DCAF8L2: variants seen among roughly 807,000 people sequenced by gnomAD.
The protein encoded by DCAF8L2 is DDB1- and CUL4-associated factor 8-like protein 2.
For missense variants in DCAF8L2, 430 were observed against 490.7 expected, an observed-to-expected ratio of 0.88 and a Z score of 1.17; for synonymous variants, 200 against 190.9, an observed-to-expected ratio of 1.05 and a Z score of -0.39.
Position 27,747,323 on chromosome X carries a change from AGGAG to A in DCAF8L2, c.430_433del (p.Glu144LysfsTer21), listed in dbSNP as rs1569201303. The A allele has an allele frequency of 1.9e-5, 22 of 1,143,406 alleles. No individual in the cohort carries two copies. Among genetic ancestry groups the A allele is most frequent in the Middle Eastern group, 2.5e-4 (1 of 3,922 alleles). 94.2% of individuals were successfully genotyped at this position (1,143,406 alleles called of 1,213,427 possible). ...GAGGAGGAGGAGGAGGAGGAGGAGG[AGGAG>A]GAAGAAGAACAGCCTCGGGCGGGTC... On this transcript the variant is annotated frameshift_variant, in exon 5 of 5. Coordinates refer to ENST00000451261, the MANE Select transcript of DCAF8L2 (RefSeq NM_001353450.2). LOFTEE classifies it low-confidence loss of function (END_TRUNC).
At chrX:27,486,621 T>A in the DCAF8L2 span, among the ~76,000 whole-genome samples, 1 of 111,733 alleles carries the variant, frequency 8.9e-6, no homozygotes, top group Non-Finnish European at 1.9e-5. Flanking sequence ...ATAGCCATTG[T>A]CCCCTTTTCA....
Position 27,689,560 on chromosome X carries a change from G to A in DCAF8L2, c.-143+11648G>A, listed in dbSNP as rs746739374. On this transcript the variant is annotated intron_variant, in intron 3 of 4. Transcript: ENST00000451261. Reference sequence around the variant, plus strand: ...GCACCCAGCCCACCATAAGATATACGTACAAGAATACATTGCCACATTATA... The same window carrying A: ...GCACCCAGCCCACCATAAGATATACATACAAGAATACATTGCCACATTATA... Among the ~76,000 whole-genome samples, 268 of 112,707 alleles carry A rather than the reference G, an allele frequency of 2.4e-3. 2 individuals are homozygous for A. Among genetic ancestry groups the A allele is most frequent in the Middle Eastern group, 4.7e-3 (1 of 215 alleles).
At chrX:27,680,336 T>C (rs2147239438) in intron 3 of DCAF8L2, among the ~76,000 whole-genome samples, 1 of 111,716 alleles carries the variant, frequency 9.0e-6, no homozygotes, top group South Asian at 3.7e-4. Flanking sequence ...AAAAAAAGAC[T>C]TCATAAAGCA....
chrX:27,702,887 A>G (rs1178987832), intron 3 of DCAF8L2, among the ~76,000 whole-genome samples: 2 of 111,455 alleles, frequency 1.8e-5, no homozygotes, highest in Non-Finnish European at 3.8e-5. Flanking sequence ...AATATTTCAT[A>G]TTAAAAAGGA....
intron 2 of DCAF8L2, among the ~76,000 whole-genome samples, chrX:27,666,488 C>T (rs1252907064): frequency 2.7e-5 from 3 of 111,906 alleles, no homozygotes; most frequent in Admixed American, 9.5e-5. Flanking sequence ...GTAACAGATA[C>T]CATATTTTAA....
chrX:27,633,466 C>T (rs1314916615), intron 2 of DCAF8L2: 1 of 111,973 alleles, frequency 8.9e-6, no homozygotes, highest in Non-Finnish European at 1.9e-5. Flanking sequence ...TGTGTCTTTT[C>T]TAGATGTGAG....
chrX:27,480,609 C>T, the DCAF8L2 span, among the ~76,000 whole-genome samples: 14 of 111,700 alleles, frequency 1.3e-4, no homozygotes, highest in African/African-American at 4.6e-4. Context: ...TCAGATATCC[C>T]TTTGGTGGCC....
chrX:27,615,524 A>AATCTATCT (rs368679663), intron 1 of DCAF8L2, among the ~76,000 whole-genome samples: 9,010 of 104,375 alleles, frequency 0.086, 412 homozygotes, highest in African/African-American at 0.17. Context: ...AGATTCTATC[A>AATCTATCT]ATCTATCTAT....
chrX:27,471,008 C>T, the DCAF8L2 span, among the ~76,000 whole-genome samples: 1 of 111,269 alleles, frequency 9.0e-6, no homozygotes, highest in African/African-American at 3.3e-5. Flanking sequence ...CACCACATTC[C>T]CTGCTTGTGA....
At chrX:27,477,711 C>T in the DCAF8L2 span, among the ~76,000 whole-genome samples, 3 of 111,554 alleles carry the variant, frequency 2.7e-5, no homozygotes, top group African/African-American at 9.8e-5. Flanking sequence ...CCCATTTTGC[C>T]ATCAAACCCT....
chrX:27,514,692 A>C, the DCAF8L2 span, among the ~76,000 whole-genome samples: 2 of 76,281 alleles, frequency 2.6e-5, no homozygotes, highest in Non-Finnish European at 4.6e-5. Context: ...AAAAAAAAAA[A>C]AAACAAAAAA....
the DCAF8L2 span, among the ~76,000 whole-genome samples, chrX:27,543,611 TAA>T: frequency 9.0e-6 from 1 of 111,716 alleles, no homozygotes; most frequent in Non-Finnish European, 1.9e-5. Context: ...TCTTACAACC[TAA>T]AGTCAAACAG....
chrX:27,608,402 G>T lies in DCAF8L2; in HGVS notation c.-342+17962G>T, dbSNP rs779327938. On this transcript the variant is annotated intron_variant, in intron 1 of 4. Coordinates refer to ENST00000451261, the MANE Select transcript of DCAF8L2 (RefSeq NM_001353450.2). ...CGTATTGTAATAAAATAAAATAAAA[G>T]AAGTAATTTAAAATATTTATACTGG... Among the ~76,000 whole-genome samples the T allele has an allele frequency of 1.4e-4, 16 of 111,827 alleles. No individual in the cohort carries two copies. In the East Asian group the frequency reaches 3.4e-3, roughly 24 times the overall value.
At chrX:27,566,168 G>C in the DCAF8L2 span, among the ~76,000 whole-genome samples, 1 of 101,193 alleles carries the variant, frequency 9.9e-6, no homozygotes, top group East Asian at 3.5e-4. Flanking sequence ...GCCCAAAAAA[G>C]GAAAGGAATG....
chrX:27,671,490 A>G (rs1382145451), intron 2 of DCAF8L2, among the ~76,000 whole-genome samples: 1 of 111,920 alleles, frequency 8.9e-6, no homozygotes, highest in African/African-American at 3.3e-5. Flanking sequence ...TTCCAAATTC[A>G]CATCCTTAAA....
chrX:27,574,115 T>C, the DCAF8L2 span, among the ~76,000 whole-genome samples: 3 of 110,594 alleles, frequency 2.7e-5, no homozygotes. Context: ...ACTACACACA[T>C]GAGCCACCAT....
the DCAF8L2 span, among the ~76,000 whole-genome samples, chrX:27,559,756 T>C: frequency 9.0e-6 from 1 of 111,610 alleles, no homozygotes; most frequent in Non-Finnish European, 1.9e-5. Context: ...CCATGGAGGA[T>C]GATTTCTGTT....
At chrX:27,495,567 G>A in the DCAF8L2 span, among the ~76,000 whole-genome samples, 9 of 111,574 alleles carry the variant, frequency 8.1e-5, no homozygotes, top group African/African-American at 1.9e-4. Flanking sequence ...GTATTGTATT[G>A]CACTTTATAA....
intron 2 of DCAF8L2, among the ~76,000 whole-genome samples, chrX:27,661,209 TG>T (rs1326396415): frequency 8.9e-6 from 1 of 112,107 alleles, no homozygotes; most frequent in African/African-American, 3.2e-5. Context: ...TGCAGGCATC[TG>T]TGGTAGAAAT....
Sources: allele counts gnomAD v4.1 joint callset (sites outside exome capture counted in the v4.1 genomes callset), GRCh38; gene constraint gnomAD v4.1.1; transcripts MANE v1.5; gene names NCBI Gene and HGNC (gene_info 2026-07-23, HGNC 2026-07-21).